The following TRPM3 variants were observed in gnomAD, a reference collection of about 807,000 sequenced individuals.
The protein encoded by TRPM3 is transient receptor potential cation channel subfamily M member 3, also known as long transient receptor potential channel 3.
TRPM3 carries 77 observed loss-of-function variants against 181.2 expected under a neutral mutation model. That is an observed-to-expected ratio of 0.42 (90% CI 0.35 to 0.51). The LOEUF (loss-of-function observed/expected upper bound fraction) is 0.51, where lower values mean the gene tolerates loss of function less well. Ranked by LOEUF, TRPM3 falls within the 20% of genes least tolerant of loss-of-function variation. The probability of loss-of-function intolerance (pLI) is 0.01; values close to 1 mark genes in which losing one functional copy is unlikely to be tolerated. For missense variants in TRPM3, 1,759 were observed against 2,196.7 expected (o/e 0.80, Z 3.98); for synonymous variants, 745 against 796.4 (o/e 0.94, Z 1.09).
intron 1 of TRPM3, among the ~76,000 whole-genome samples, chr9:71,355,633 G>A (rs1434506548): frequency 2.0e-5 from 3 of 152,068 alleles, no homozygotes; most frequent in Non-Finnish European, 4.4e-5. Flanking sequence ...GTGGTTATTT[G>A]AGGCCATGTG....
chr9:70,980,096 C>CACACACACAT (rs1554789041), intron 1 of TRPM3, among the ~76,000 whole-genome samples: 2 of 151,830 alleles, frequency 1.3e-5, no homozygotes, highest in Admixed American at 6.6e-5. Context: ...CACACACACA[C>CACACACACAT]GGAGTACACT....
chr9:70,695,093 G>T (rs1406408379), intron 8 of TRPM3, among the ~76,000 whole-genome samples: 2 of 152,188 alleles, frequency 1.3e-5, no homozygotes, highest in East Asian at 1.9e-4. Context: ...TAGCTCCTGG[G>T]TTATCATTTT....
chr9:71,063,892 T>G (rs148454146), intron 1 of TRPM3, among the ~76,000 whole-genome samples: 1 of 152,100 alleles, frequency 6.6e-6, no homozygotes, highest in Non-Finnish European at 1.5e-5. Context: ...CTGAAAGTCA[T>G]TGAATAGAGA....
intron 24 of TRPM3, 109 bp from the exon 25 acceptor site, chr9:70,549,783 C>T (rs896720106): frequency 1.6e-5 from 19 of 1,166,760 alleles, no homozygotes; most frequent in Admixed American, 5.7e-5. Context: ...GGAAAAGGGG[C>T]CTAGATTCCT....
intron 22 of TRPM3, among the ~76,000 whole-genome samples, chr9:70,574,007 C>CAT (rs2053195762): frequency 6.7e-6 from 1 of 148,792 alleles, no homozygotes; most frequent in Non-Finnish European, 1.5e-5. Flanking sequence ...CACACACACA[C>CAT]ACACACTACC....
rs1220447602 is a variant in TRPM3 at position 70,600,550 on chromosome 9, C to CT, written c.2797-1881dup. ...AAACTTCAGTGCACATCAGAATCAG[C>CT]TGGAAGGCTGGGTAAAATATAGATG... On this transcript the variant is annotated intron_variant, in intron 20 of 25. Coordinates refer to ENST00000677713, the MANE Select transcript of TRPM3 (RefSeq NM_001366145.2). Among the ~76,000 whole-genome samples, 3 of 152,028 alleles carry CT rather than the reference C, an allele frequency of 2.0e-5. No homozygotes were observed. In the East Asian group the frequency reaches 5.8e-4, roughly 29 times the overall value.
intron 1 of TRPM3, among the ~76,000 whole-genome samples, chr9:71,327,414 C>T (rs2089773606): frequency 6.6e-6 from 1 of 152,094 alleles, no homozygotes; most frequent in Non-Finnish European, 1.5e-5. Context: ...CAAGAAATGT[C>T]CCCTTCAGAA....
intron 1 of TRPM3, among the ~76,000 whole-genome samples, chr9:71,253,596 C>A (rs2082487854): frequency 6.6e-6 from 1 of 152,150 alleles, no homozygotes; most frequent in Non-Finnish European, 1.5e-5. Context: ...CCAAATTTAT[C>A]CTCCTAGAAA....
intron 1 of TRPM3, among the ~76,000 whole-genome samples, chr9:70,934,450 C>A (rs550457055): frequency 6.6e-6 from 1 of 152,132 alleles, no homozygotes; most frequent in South Asian, 2.1e-4. Flanking sequence ...GCTGCATATC[C>A]ATTGTAATCT....
At chr9:71,207,876 T>G (rs575544111) in intron 1 of TRPM3, among the ~76,000 whole-genome samples, 3 of 152,256 alleles carry the variant, frequency 2.0e-5, no homozygotes, top group African/African-American at 7.2e-5. Flanking sequence ...CAGCTTAACT[T>G]CACTTTTATT....
intron 1 of TRPM3, among the ~76,000 whole-genome samples, chr9:71,005,075 C>T (rs778617267): frequency 6.6e-6 from 1 of 152,054 alleles, no homozygotes; most frequent in Non-Finnish European, 1.5e-5. Flanking sequence ...AAAATAATGG[C>T]TGAAAATTCA....
intron 1 of TRPM3, among the ~76,000 whole-genome samples, chr9:71,288,937 A>G (rs2085536699): frequency 6.6e-6 from 1 of 152,128 alleles, no homozygotes; most frequent in Non-Finnish European, 1.5e-5. Context: ...TAGGGGGGAA[A>G]AAAAATTCCC....
At chr9:70,836,353 C>G (rs574628819) in intron 5 of TRPM3, among the ~76,000 whole-genome samples, 1 of 152,250 alleles carries the variant, frequency 6.6e-6, no homozygotes, top group South Asian at 2.1e-4. Flanking sequence ...CTGTGGCTCC[C>G]TTTGGCTACC....
intron 1 of TRPM3, among the ~76,000 whole-genome samples, chr9:71,257,706 C>T (rs2082760463): frequency 6.6e-6 from 1 of 152,046 alleles, no homozygotes; most frequent in South Asian, 2.1e-4. Flanking sequence ...AACCAGTAAC[C>T]GCAAGTGAAT....
intron 1 of TRPM3, among the ~76,000 whole-genome samples, chr9:71,440,013 C>T (rs1425163000): frequency 1.3e-5 from 2 of 152,008 alleles, no homozygotes; most frequent in Non-Finnish European, 2.9e-5. Context: ...GTCCCAGCTA[C>T]TCGGGAGGCT....
intron 1 of TRPM3, among the ~76,000 whole-genome samples, chr9:71,273,329 A>C (rs942860391): frequency 6.6e-6 from 1 of 152,188 alleles, no homozygotes; most frequent in Non-Finnish European, 1.5e-5. Flanking sequence ...CAAAGCCATA[A>C]TTACTGCAAA....
chr9:71,039,925 T>C (rs1449273390), intron 1 of TRPM3, among the ~76,000 whole-genome samples: 2 of 152,320 alleles, frequency 1.3e-5, no homozygotes, highest in African/African-American at 4.8e-5. Context: ...CATTTTATAA[T>C]ATGGGTTCAA....
At chr9:71,148,072 G>C (rs553432064) in intron 1 of TRPM3, among the ~76,000 whole-genome samples, 247 of 150,734 alleles carry the variant, frequency 1.6e-3, no homozygotes, top group African/African-American at 5.6e-3. Flanking sequence ...TTCTCAAGTG[G>C]GGATGACAGA....
At chr9:70,557,936 G>A (rs187007669) in intron 22 of TRPM3, among the ~76,000 whole-genome samples, 11 of 152,168 alleles carry the variant, frequency 7.2e-5, no homozygotes, top group South Asian at 6.2e-4. Flanking sequence ...GTTTCCTTTT[G>A]TGGAACCACC....
Sources: allele counts gnomAD v4.1 joint callset (sites outside exome capture counted in the v4.1 genomes callset), GRCh38; gene constraint gnomAD v4.1.1; transcripts MANE v1.5; gene names NCBI Gene and HGNC (gene_info 2026-07-23, HGNC 2026-07-21).